CLASP2: variants seen among roughly 807,000 people sequenced by gnomAD.
CLASP2 encodes the protein cytoplasmic linker associated protein 2, also known as CLIP-associating protein 2.
Under a neutral mutation model 194.4 loss-of-function variants are expected in CLASP2, and 47 were observed. The ratio of observed to expected loss-of-function variants is 0.24; its 90% confidence interval spans 0.19 to 0.31. The LOEUF (loss-of-function observed/expected upper bound fraction) is 0.31. Ranked by LOEUF, CLASP2 falls within the 10% of genes least tolerant of loss-of-function variation. CLASP2 has a pLI of 1.00. For synonymous variants in CLASP2, 619 were observed against 633.5 expected, an observed-to-expected ratio of 0.98 and a Z score of 0.34; for missense variants, 1,445 against 1,823.6, an observed-to-expected ratio of 0.79 and a Z score of 3.78.
Position 33,653,203 on chromosome 3 carries a change from T to A in CLASP2, c.716-8300A>T, listed in dbSNP as rs147928504. 1.6e-3 allele frequency among the ~76,000 whole-genome samples: 238 copies of A among 152,300 alleles called. 1 individual carries two copies. The highest frequency in any genetic ancestry group is 6.8e-3 in the Middle Eastern group (2 of 294). ...AGACAATCAGACAGTGTATGCCTTC[T>A]GACAGAAATCCAAAATACCACACAT... On this transcript the variant is annotated intron_variant, in intron 7 of 38. Coordinates refer to ENST00000682230, the MANE Select transcript of CLASP2 (RefSeq NM_001365631.1).
chr3:33,587,208 C>G (rs2067603329), intron 21 of CLASP2, among the ~76,000 whole-genome samples: 1 of 151,962 alleles, frequency 6.6e-6, no homozygotes, highest in African/African-American at 2.4e-5. Context: ...TCACTGCACG[C>G]TCTGCCACCC....
intron 7 of CLASP2, among the ~76,000 whole-genome samples, chr3:33,650,627 T>C (rs548312396): frequency 6.0e-5 from 9 of 150,016 alleles, no homozygotes; most frequent in Non-Finnish European, 1.2e-4. Flanking sequence ...TAGATGGAAA[T>C]GGAGGAGGCA....
At chr3:33,505,863 A>G (rs1286373868) in intron 37 of CLASP2, among the ~76,000 whole-genome samples, 1 of 152,018 alleles carries the variant, frequency 6.6e-6, no homozygotes, top group Non-Finnish European at 1.5e-5. Context: ...AGACCAGCCT[A>G]AGCAACATAA....
At chr3:33,637,801 T>C (rs567783028) in intron 8 of CLASP2, among the ~76,000 whole-genome samples, 72 of 152,374 alleles carry the variant, frequency 4.7e-4, no homozygotes, top group Admixed American at 8.5e-4. Flanking sequence ...GGTAAAATGT[T>C]GTCTTTATTA....
At chr3:33,608,659 T>C (rs1276032200) in intron 13 of CLASP2, 33 bp from the exon 14 acceptor site, 2 of 1,465,828 alleles carry the variant, frequency 1.4e-6, no homozygotes, top group African/African-American at 1.4e-5. Flanking sequence ...TAACTAAATG[T>C]TGTATTGAGA....
intron 13 of CLASP2, among the ~76,000 whole-genome samples, chr3:33,609,805 C>A (rs2074718591): frequency 6.6e-6 from 1 of 152,186 alleles, no homozygotes; most frequent in African/African-American, 2.4e-5. Flanking sequence ...CAGTGAATGT[C>A]AACTCAAACA....
intron 6 of CLASP2, among the ~76,000 whole-genome samples, chr3:33,666,360 C>T (rs556099249): frequency 4.6e-5 from 7 of 152,274 alleles, no homozygotes; most frequent in Non-Finnish European, 8.8e-5. Flanking sequence ...TCCCCATTTA[C>T]CCTGATCTCT....
chr3:33,634,230 T>C (rs1476303109), intron 8 of CLASP2, among the ~76,000 whole-genome samples: 10 of 152,220 alleles, frequency 6.6e-5, no homozygotes, highest in Admixed American at 6.5e-4. Context: ...AAATATTATC[T>C]AAACTGTGTA....
At chr3:33,584,974 C>A in intron 21 of CLASP2, 54 bp from the exon 22 acceptor site, 4 of 1,487,532 alleles carry the variant, frequency 2.7e-6, no homozygotes, top group Non-Finnish European at 3.6e-6. Flanking sequence ...AGAGAATTTG[C>A]TGAAAGGATA....
intron 6 of CLASP2, chr3:33,683,390 T>C (rs1228510598): frequency 6.6e-6 from 1 of 152,218 alleles, no homozygotes; most frequent in African/African-American, 2.4e-5. Context: ...GGAGGACTGC[T>C]TGAGCTCCGG....
In CLASP2 at chr3:33,581,878, C is replaced by G; in HGVS notation, c.2290G>C (p.Glu764Gln). 2 of 1,613,780 alleles carry G rather than the reference C, an allele frequency of 1.2e-6. No individual in the cohort carries two copies. Among genetic ancestry groups the G allele is most frequent in the African/African-American group, 1.3e-5 (1 of 75,048 alleles). Reference protein sequence around the residue: ...RPSVSQGCSREASRESSRDTS... With the variant: ...RPSVSQGCSRQASRESSRDTS... Reference sequence around the variant, plus strand: ...TCTCTGCTGCTCTCCCGACTAGCTTCCCGGCTGCATCCTTGACTCACACTT... The same window carrying G: ...TCTCTGCTGCTCTCCCGACTAGCTTGCCGGCTGCATCCTTGACTCACACTT... The change falls in exon 23 of 39, where the codon GAA (glutamate) becomes CAA (glutamine). Residue 764 changes from glutamate to glutamine, a missense_variant. Around this residue, in one of 4 missense-constraint regions of CLASP2, gnomAD observed 732 missense variants for 987.9 expected, o/e 0.74. Transcript: ENST00000682230.
intron 30 of CLASP2, among the ~76,000 whole-genome samples, chr3:33,547,406 TAA>T (rs1429994102): frequency 6.6e-6 from 1 of 152,206 alleles, no homozygotes; most frequent in African/African-American, 2.4e-5. Context: ...CATGAAACTG[TAA>T]GTTCAATTAA....
chr3:33,666,658 T>C (rs1410506543), intron 6 of CLASP2, among the ~76,000 whole-genome samples: 1 of 152,226 alleles, frequency 6.6e-6, no homozygotes, highest in African/African-American at 2.4e-5. Context: ...TTATAAATAA[T>C]GCTGTTATGA....
intron 29 of CLASP2, among the ~76,000 whole-genome samples, chr3:33,556,981 T>C (rs994035233): frequency 1.2e-4 from 18 of 152,244 alleles, no homozygotes; most frequent in African/African-American, 4.1e-4. Flanking sequence ...TTTTTATTTA[T>C]TTATTTTTTT....
In CLASP2 at chr3:33,718,065, G is replaced by A; in HGVS notation, c.-63C>T. 1.4e-6 allele frequency: 2 copies of A among 1,417,984 alleles called. No homozygotes were observed. The highest frequency in any genetic ancestry group is 1.8e-6 in the Non-Finnish European group (2 of 1,090,340). 87.8% of individuals were successfully genotyped at this position (1,417,984 alleles called of 1,614,324 possible). A position where few individuals can be genotyped will look rare whatever the true frequency, so the allele number is the denominator to read the frequency against. On this transcript the variant is annotated 5_prime_UTR_variant, in exon 1 of 39. Transcript: ENST00000682230. The stretch of plus-strand genomic sequence containing the variant: ...GCCAACTTTCGCCGAGAGCCGCCCA[G>A]CCTCCAGTGCGGGTCCCCGCGGGAG...
chr3:33,599,207 C>T (rs886121955), intron 18 of CLASP2, among the ~76,000 whole-genome samples: 5 of 152,128 alleles, frequency 3.3e-5, no homozygotes, highest in Non-Finnish European at 7.3e-5. Flanking sequence ...TCACTGCAGC[C>T]TCTACTTCCT....
At position 33,644,818 on chromosome 3, in the gene CLASP2, T is replaced by C; in HGVS notation, c.801A>G (p.Thr267=). The C allele has an allele frequency of 3.1e-6, 5 of 1,613,114 alleles. No individual in the cohort carries two copies. The highest frequency in any genetic ancestry group is 1.7e-4 in the Middle Eastern group (1 of 6,018). Reference sequence around the variant, plus strand: ...TTGCACTGTTGGCAGGATTTCCGGATGTTTTAGGTGCAGGAACCTTGAAGG... The same window carrying C: ...TTGCACTGTTGGCAGGATTTCCGGACGTTTTAGGTGCAGGAACCTTGAAGG... ...ASAFKVPAPK[T]SGNPANSARK... The change falls in exon 8 of 39, where the codon ACA becomes ACG. Residue 267 remains threonine (T), a synonymous_variant. Transcript: ENST00000682230.
At chr3:33,694,008 T>C (rs1449180915) in intron 2 of CLASP2, among the ~76,000 whole-genome samples, 2 of 151,990 alleles carry the variant, frequency 1.3e-5, no homozygotes, top group Admixed American at 1.3e-4. Context: ...CAATGTGGGG[T>C]GAGGTTAACC....
intron 7 of CLASP2, among the ~76,000 whole-genome samples, chr3:33,645,716 T>TG (rs1328216837): frequency 8.5e-5 from 13 of 152,188 alleles, no homozygotes; most frequent in African/African-American, 3.1e-4. Flanking sequence ...TTCATTCTGC[T>TG]GGGATGCTTA....
Sources: gnomAD v4.1 joint callset for allele counts (sites outside exome capture counted in the v4.1 genomes callset) on GRCh38, gnomAD v4.1.1 for gene constraint, gnomAD v4.1.1 regional missense constraint, MANE v1.5 for transcripts, NCBI Gene and HGNC (gene_info 2026-07-23, HGNC 2026-07-21) for gene names.